HYDIN: variants seen among roughly 807,000 people sequenced by gnomAD.
HYDIN encodes axonemal central pair apparatus protein HYDIN.
In HYDIN, 132 loss-of-function variants were observed where a neutral mutation model predicts 403.9. The ratio of observed to expected loss-of-function variants is 0.33; its 90% CI spans 0.28 to 0.38. The LOEUF (loss-of-function observed/expected upper bound fraction) is 0.38. HYDIN is among the 10% of genes least tolerant of loss of function. The probability of loss-of-function intolerance (pLI) is 1.00; values close to 1 mark genes in which losing one functional copy is unlikely to be tolerated. For synonymous variants in HYDIN, 1,202 were observed against 1,891.7 expected (o/e 0.64, Z 9.46); for missense variants, 2,827 against 5,009.5 (o/e 0.56, Z 13.15).
At chr16:70,928,981 T>A (rs1376268764) in intron 45 of HYDIN, among the ~76,000 whole-genome samples, 9 of 149,236 alleles carry the variant, frequency 6.0e-5, no homozygotes, top group Admixed American at 2.0e-4. Flanking sequence ...GAAATCATCA[T>A]CCATTTGTTT....
intron 1 of HYDIN, among the ~76,000 whole-genome samples, chr16:71,223,739 T>C (rs2040906897): frequency 6.6e-6 from 1 of 151,978 alleles, no homozygotes; most frequent in African/African-American, 2.4e-5. Flanking sequence ...TGCTCATCAG[T>C]AGTTGTCAGG....
chr16:70,944,161 G>C (rs1316790662), intron 41 of HYDIN, among the ~76,000 whole-genome samples: 1 of 152,224 alleles, frequency 6.6e-6, no homozygotes, highest in Non-Finnish European at 1.5e-5. Flanking sequence ...TACGTTGTTT[G>C]TGTACTGAAC....
chr16:71,201,975 T>A (rs1468724873), intron 1 of HYDIN, among the ~76,000 whole-genome samples: 3 of 152,240 alleles, frequency 2.0e-5, no homozygotes, highest in Non-Finnish European at 4.4e-5. Context: ...CAGTTTTTGA[T>A]GGTCTTTCTC....
At chr16:70,834,972 GTGTGTATATA>G (rs1382794197) in intron 78 of HYDIN, among the ~76,000 whole-genome samples, 7 of 127,756 alleles carry the variant, frequency 5.5e-5, no homozygotes, top group African/African-American at 1.9e-4. Context: ...ACACATATAT[GTGTGTATATA>G]TATATATATA....
intron 6 of HYDIN, among the ~76,000 whole-genome samples, chr16:71,157,182 A>C (rs2085806068): frequency 2.6e-5 from 4 of 151,728 alleles, no homozygotes; most frequent in Admixed American, 2.6e-4. Flanking sequence ...ACAGACATGC[A>C]AAGAAAGTTT....
At position 71,230,576 on chromosome 16, in the gene HYDIN, G is replaced by A; in HGVS notation, c.-38C>T. On this transcript the variant is annotated 5_prime_UTR_variant, in exon 1 of 86. Transcript: ENST00000393567. ...GGACCTCTGACCTTGGTGCACTCCG[G>A]GTCCCACGTTTATTCTACCTCCATT... The A allele has an allele frequency of 6.5e-7, 1 of 1,535,512 alleles. No individual in the cohort carries two copies. Among genetic ancestry groups the A allele is most frequent in the Non-Finnish European group, 8.7e-7 (1 of 1,146,590 alleles).
intron 1 of HYDIN, among the ~76,000 whole-genome samples, chr16:71,211,225 T>A (rs1207663141): frequency 6.6e-6 from 1 of 152,120 alleles, no homozygotes; most frequent in Admixed American, 6.5e-5. Context: ...TTGAGGTAAA[T>A]TCTGACTCAA....
chr16:71,170,101 G>T (rs1027155680), intron 5 of HYDIN, among the ~76,000 whole-genome samples: 4 of 152,188 alleles, frequency 2.6e-5, no homozygotes, highest in Non-Finnish European at 5.9e-5. Context: ...GTCCTAAAAT[G>T]TAAGTCAGAT....
intron 41 of HYDIN, 49 bp from the exon 42 acceptor site, chr16:70,943,998 A>T: frequency 2.2e-6 from 3 of 1,365,878 alleles, no homozygotes; most frequent in South Asian, 2.5e-5. Flanking sequence ...CTTGTATCTC[A>T]ACAACTCCTA....
chr16:71,070,271 C>CTCCTTCCTTCCTTCCTTCCTTCCTTCCT (rs146740657), intron 13 of HYDIN, among the ~76,000 whole-genome samples: 1 of 147,224 alleles, frequency 6.8e-6, no homozygotes, highest in African/African-American at 2.5e-5. Context: ...TTCTTTCTCT[C>CTCCTTCCTTCCTTCCTTCCTTCCTTCCT]TCCTTCCTTC....
intron 56 of HYDIN, 134 bp from the exon 57 acceptor site, chr16:70,892,018 G>T: frequency 4.3e-6 from 2 of 465,478 alleles, no homozygotes; most frequent in African/African-American, 4.0e-5. Flanking sequence ...GTATTATTGC[G>T]AACACTAAAA....
chr16:70,925,920 C>T (rs1259202088), intron 45 of HYDIN, among the ~76,000 whole-genome samples: 4 of 150,050 alleles, frequency 2.7e-5, no homozygotes, highest in Non-Finnish European at 6.0e-5. Flanking sequence ...GATATCATCT[C>T]ACACCAGTTA....
Position 71,207,856 on chromosome 16 carries a change from T to C in HYDIN, c.-23-20938A>G, listed in dbSNP as rs187823159. Among the ~76,000 whole-genome samples, 288 of 152,290 alleles carry C rather than the reference T, an allele frequency of 1.9e-3. 5 individuals are homozygous for C. Among genetic ancestry groups the C allele is most frequent in the African/African-American group, 6.6e-3 (274 of 41,558 alleles). On this transcript the variant is annotated intron_variant, in intron 1 of 85. Coordinates refer to ENST00000393567, the MANE Select transcript of HYDIN (RefSeq NM_001270974.2). ...ATTACATAATGATGAAAGGTTTAATTTAACAAGAAGACCTAACTACCCTAA... is the reference window on the plus strand; with the variant it reads ...ATTACATAATGATGAAAGGTTTAATCTAACAAGAAGACCTAACTACCCTAA...
chr16:70,970,417 C>T, intron 36 of HYDIN, 103 bp downstream of exon 36: 5 of 685,736 alleles, frequency 7.3e-6, no homozygotes, highest in Non-Finnish European at 1.0e-5. Flanking sequence ...GGAAGTAGGT[C>T]AGAAAAGGCT....
intron 9 of HYDIN, among the ~76,000 whole-genome samples, chr16:71,128,639 G>C (rs1389032217): frequency 6.7e-6 from 1 of 148,328 alleles, no homozygotes; most frequent in Non-Finnish European, 1.5e-5. Flanking sequence ...TTGTCGCCCA[G>C]GCTGGAGTAC....
At chr16:71,215,828 G>A (rs1237100497) in intron 1 of HYDIN, among the ~76,000 whole-genome samples, 1 of 148,692 alleles carries the variant, frequency 6.7e-6, no homozygotes, top group Admixed American at 6.7e-5. Context: ...CAAAAGAACA[G>A]GCTGTTTACA....
At chr16:71,180,874 T>C (rs1172593386) in intron 3 of HYDIN, among the ~76,000 whole-genome samples, 2 of 152,108 alleles carry the variant, frequency 1.3e-5, no homozygotes, top group African/African-American at 2.4e-5. Context: ...ATCAAGGTCA[T>C]TGAGTACAAG....
intron 76 of HYDIN, among the ~76,000 whole-genome samples, chr16:70,839,374 C>T (rs2037657498): frequency 6.8e-6 from 1 of 147,214 alleles, no homozygotes; most frequent in Non-Finnish European, 1.5e-5. Flanking sequence ...GGCCACTAGA[C>T]ACATGTGGTT....
intron 65 of HYDIN, among the ~76,000 whole-genome samples, chr16:70,871,747 G>C (rs2040117297): frequency 8.1e-6 from 1 of 124,060 alleles, no homozygotes; most frequent in African/African-American, 3.3e-5. Flanking sequence ...TACAATCTGG[G>C]ATAGGAAGAC....
Sources: gnomAD v4.1 joint callset for allele counts (sites outside exome capture counted in the v4.1 genomes callset) on GRCh38, gnomAD v4.1.1 for gene constraint, MANE v1.5 for transcripts, NCBI Gene and HGNC (gene_info 2026-07-23, HGNC 2026-07-21) for gene names.